Variants in RBSN observed in about 807,000 individuals in gnomAD.
RBSN encodes rabenosyn, RAB effector.
A neutral mutation model predicts 60.5 loss-of-function variants in RBSN; 34 were observed. That is an observed-to-expected ratio of 0.56 (90% CI 0.43 to 0.75). The LOEUF (loss-of-function observed/expected upper bound fraction) is 0.75. Ranked by LOEUF, RBSN falls within the 30% of genes least tolerant of loss-of-function variation. The probability of loss-of-function intolerance (pLI) is 0.00; values close to 1 mark genes in which losing one functional copy is unlikely to be tolerated. For synonymous variants in RBSN, 322 were observed against 366.9 expected (o/e 0.88, Z 1.40); for missense variants, 845 against 986.8 (o/e 0.86, Z 1.92).
Position 15,077,198 on chromosome 3 carries a change from A to G in RBSN, c.999-34T>C. 6.4e-7 allele frequency: 1 copy of G among 1,560,234 alleles called. No homozygotes were observed. Among genetic ancestry groups the G allele is most frequent in the Non-Finnish European group, 8.8e-7 (1 of 1,131,140 alleles). ...GAACAAACACATGAATATAATGAGC[A>G]CTGCCAGCTTCAGAAACAAGGGTGA... is the stretch of plus-strand genomic sequence containing the variant. On this transcript the variant is annotated intron_variant, in intron 11 of 13. Coordinates refer to ENST00000253699, the MANE Select transcript of RBSN (RefSeq NM_022340.4). The surrounding 1 kb of genome is among the most constrained non-coding windows in gnomAD (Gnocchi z 4.4).
chr3:15,079,957 G>C (rs542531683), intron 10 of RBSN, among the ~76,000 whole-genome samples: 3 of 152,294 alleles, frequency 2.0e-5, no homozygotes, highest in South Asian at 4.1e-4. Flanking sequence ...AAAAGAAGCA[G>C]ATGTTGGCCA....
At chr3:15,083,504 A>T (rs76594073) in intron 8 of RBSN, among the ~76,000 whole-genome samples, 8,027 of 152,158 alleles carry the variant, frequency 0.053, 250 homozygotes, top group East Asian at 0.13. Context: ...GGTTCCACCT[A>T]AACTTTGTCC....
rs1176558137 is a variant in RBSN, at chr3:15,090,585, C to T, written c.149-46G>A. 1.9e-6 allele frequency: 3 copies of T among 1,575,566 alleles called. No individual in the cohort carries two copies. The highest frequency in any genetic ancestry group is 1.7e-6 in the Non-Finnish European group (2 of 1,163,608). On this transcript the variant is annotated intron_variant, in intron 4 of 13. Transcript: ENST00000253699. ...ATACAAATGAGCCATGAAGAACACCCAGTAAACAGTCAAAAGAAATCTCAA... is the reference window on the plus strand; with the variant it reads ...ATACAAATGAGCCATGAAGAACACCTAGTAAACAGTCAAAAGAAATCTCAA...
Position 15,082,688 on chromosome 3 carries a change from A to T in RBSN, c.599-80T>A. On this transcript the variant is annotated intron_variant, in intron 8 of 13. Coordinates refer to ENST00000253699, the MANE Select transcript of RBSN (RefSeq NM_022340.4). This position sits in a 1 kb window ranked among gnomAD's most constrained non-coding sequence, Gnocchi z 4.2. ...ACCCACGACCTCAAGGTGTCAGTCC[A>T]CAGGTGTTTGATTTGGAGAGTAATA... 6.5e-7 allele frequency: 1 copy of T among 1,534,148 alleles called. No individual in the cohort carries two copies. The highest frequency in any genetic ancestry group is 2.4e-5 in the East Asian group (1 of 42,052).
rs1217250933 is a variant in RBSN at position 15,077,304 on chromosome 3, T to C, written c.999-140A>G. 1.5e-5 allele frequency: 11 copies of C among 718,570 alleles called. No individual in the cohort carries two copies. Among genetic ancestry groups the C allele is most frequent in the African/African-American group, 3.5e-5 (2 of 56,498 alleles). The allele number at this position is 718,570 out of a possible 1,614,324, so 44.5% of individuals were successfully genotyped here. A position where few individuals can be genotyped will look rare whatever the true frequency, so the allele number is the denominator to read the frequency against. On this transcript the variant is annotated intron_variant, in intron 11 of 13. Transcript: ENST00000253699. This position sits in a 1 kb window ranked among gnomAD's most constrained non-coding sequence, Gnocchi z 4.4. ...GACAAGTGACTCCATTGAAGTTTCT[T>C]TGAAGGCAAAGCCCATTTCTTACCC... is the stretch of plus-strand genomic sequence containing the variant.
rs770298989 is a variant in RBSN, at chr3:15,074,978, G to T, written c.1207-48C>A. 33 of 1,550,986 alleles carry T rather than the reference G, an allele frequency of 2.1e-5. No individual in the cohort carries two copies. Among genetic ancestry groups the T allele is most frequent in the Non-Finnish European group, 2.3e-5 (27 of 1,153,344 alleles). On this transcript the variant is annotated intron_variant, in intron 13 of 13. Transcript: ENST00000253699. The surrounding 1 kb of genome is among the most constrained non-coding windows in gnomAD (Gnocchi z 6.4). ...AGAAGAAACAGTCACTATGCTGGCA[G>T]CAGCCCACACTGTCACCCACCCTCT...
chr3:15,079,822 G>A (rs962209438), intron 10 of RBSN, among the ~76,000 whole-genome samples: 2 of 152,176 alleles, frequency 1.3e-5, no homozygotes, highest in Admixed American at 6.5e-5. Flanking sequence ...CTACTGGGGT[G>A]ATAAAAATGT....
chr3:15,097,126 G>C (rs1245620111), intron 2 of RBSN, among the ~76,000 whole-genome samples: 1 of 152,166 alleles, frequency 6.6e-6, no homozygotes, highest in African/African-American at 2.4e-5. Context: ...CCCCCAAACT[G>C]CTGAGATTAC....
chr3:15,075,390 A>G (rs1181096825), intron 13 of RBSN: 2 of 674,552 alleles, frequency 3.0e-6, no homozygotes, highest in Non-Finnish European at 5.4e-6. Flanking sequence ...TGAGAGAATC[A>G]GCAGAAGCTC....
chr3:15,077,211 G>C lies in RBSN; in HGVS notation c.999-47C>G, dbSNP rs375981231. Reference sequence around the variant, plus strand: ...AATATAATGAGCACTGCCAGCTTCAGAAACAAGGGTGAAAAGTATAACATC... The same window carrying C: ...AATATAATGAGCACTGCCAGCTTCACAAACAAGGGTGAAAAGTATAACATC... On this transcript the variant is annotated intron_variant, in intron 11 of 13. Coordinates refer to ENST00000253699, the MANE Select transcript of RBSN (RefSeq NM_022340.4). This position sits in a 1 kb window ranked among gnomAD's most constrained non-coding sequence, Gnocchi z 4.4. 2.5e-5 allele frequency: 38 copies of C among 1,513,056 alleles called. No homozygotes were observed. The African/African-American group carries it at 4.8e-4, about 19-fold the overall frequency. The allele number at this position is 1,513,056 out of a possible 1,614,324, so 93.7% of individuals were successfully genotyped here.
At position 15,085,061 on chromosome 3, in the gene RBSN, T is replaced by C. The variant is rs1044667365; in HGVS notation, c.391-16A>G. On this transcript the variant is annotated splice_polypyrimidine_tract_variant and intron_variant, in intron 6 of 13. Transcript: ENST00000253699. ...ATGCAGTGAGCTGACCGGAAGAAAA[T>C]AGTGCCAAATGAAATTAACCAGGTG... is the stretch of plus-strand genomic sequence containing the variant. The C allele has an allele frequency of 5.6e-6, 9 of 1,613,940 alleles. No homozygotes were observed. Among genetic ancestry groups the C allele is most frequent in the African/African-American group, 5.3e-5 (4 of 74,918 alleles).
chr3:15,080,875 C>T, intron 9 of RBSN, 73 bp from the exon 10 acceptor site: 6 of 1,158,798 alleles, frequency 5.2e-6, no homozygotes, highest in Non-Finnish European at 7.7e-6. Flanking sequence ...TAGGCTCCAT[C>T]AATGGAGCTA....
intron 12 of RBSN, 101 bp downstream of exon 12, chr3:15,076,961 A>C: frequency 4.4e-6 from 4 of 913,470 alleles, no homozygotes; most frequent in Non-Finnish European, 5.2e-6. Flanking sequence ...TAAATGTATA[A>C]ATAGGAAGTA....
In RBSN at chr3:15,080,805, A is replaced by C; in HGVS notation, c.841-3T>G. ...TTCTCCATGCAAAGTCGTAATTTCTAAGAACAAAAACAAAGAGGTAAGTGG... is the reference window on the plus strand; with the variant it reads ...TTCTCCATGCAAAGTCGTAATTTCTCAGAACAAAAACAAAGAGGTAAGTGG... On this transcript the variant is annotated splice_region_variant and splice_polypyrimidine_tract_variant and intron_variant, in intron 9 of 13. Transcript: ENST00000253699. The C allele has an allele frequency of 6.2e-7, 1 of 1,614,006 alleles. No homozygotes were observed. Among genetic ancestry groups the C allele is most frequent in the Non-Finnish European group, 8.5e-7 (1 of 1,179,902 alleles).
chr3:15,085,980 G>A lies in RBSN; in HGVS notation c.290-19C>T. Reference sequence around the variant, plus strand: ...ACAGCACCTAGAGGGAAGGAAGGTAGGGAGACAAATGACTTATAGTTTCTC... The same window carrying A: ...ACAGCACCTAGAGGGAAGGAAGGTAAGGAGACAAATGACTTATAGTTTCTC... On this transcript the variant is annotated intron_variant, in intron 5 of 13. Transcript: ENST00000253699. 1 of 1,601,910 alleles carries A rather than the reference G, an allele frequency of 6.2e-7. No individual in the cohort carries two copies. Among genetic ancestry groups the A allele is most frequent in the Non-Finnish European group, 8.5e-7 (1 of 1,171,844 alleles).
At chr3:15,091,486 T>A (rs2043515581) in intron 4 of RBSN, 1 of 1,287,056 alleles carries the variant, frequency 7.8e-7, no homozygotes, top group African/African-American at 1.5e-5. Flanking sequence ...AAGAAACAGA[T>A]ATAACATCTA....
intron 5 of RBSN, among the ~76,000 whole-genome samples, chr3:15,088,643 G>A (rs930545942): frequency 4.6e-5 from 7 of 152,202 alleles, no homozygotes; most frequent in Non-Finnish European, 8.8e-5. Context: ...ACCTCCCAAA[G>A]TGCTGGGATT....
Position 15,074,125 on chromosome 3 carries a change from T to C in RBSN, c.2012A>G (p.Glu671Gly). ...GAATGGATTCCCTGCCACTGCTTCC[T>C]CCTCCTCGTCCTCTTCCTCGAAAGG... ...YNPFEEEDEE[E>G]EAVAGNPFIQ... Residue 671 changes from glutamate (E) to glycine (G), a missense_variant, in exon 14 of 14, where the codon GAG becomes GGG. By Grantham distance (98) the Glu-to-Gly change is moderately conservative. Coordinates refer to ENST00000253699, the MANE Select transcript of RBSN (RefSeq NM_022340.4). The surrounding 1 kb of genome is among the most constrained non-coding windows in gnomAD (Gnocchi z 6.4). 1 of 1,614,088 alleles carries C rather than the reference T, an allele frequency of 6.2e-7. No individual in the cohort carries two copies. Among genetic ancestry groups the C allele is most frequent in the Non-Finnish European group, 8.5e-7 (1 of 1,180,008 alleles).
intron 5 of RBSN, among the ~76,000 whole-genome samples, chr3:15,087,493 G>A (rs540241760): frequency 1.0e-3 from 155 of 152,312 alleles, no homozygotes; most frequent in South Asian, 2.5e-3. Context: ...CTGGGTGACA[G>A]AGGAAGGCTG....
Sources: allele counts gnomAD v4.1 joint callset (sites outside exome capture counted in the v4.1 genomes callset), GRCh38; gene constraint gnomAD v4.1.1; non-coding constraint Gnocchi (gnomAD v3.1); transcripts MANE v1.5; gene names NCBI Gene and HGNC (gene_info 2026-07-23, HGNC 2026-07-21).